Variants in CD81 observed in about 807,000 individuals in gnomAD.
CD81 encodes the protein CD81 antigen.
Under a neutral mutation model 30.1 loss-of-function variants are expected in CD81, and 10 were observed. That is an observed-to-expected ratio of 0.33 (90% CI 0.21 to 0.56). CD81 has a LOEUF of 0.56. Ranked by LOEUF, CD81 falls within the 20% of genes least tolerant of loss-of-function variation. The pLI is 0.89. For synonymous variants in CD81, 147 were observed against 126.4 expected, an observed-to-expected ratio of 1.16 and a Z score of -1.10; for missense variants, 263 against 308.7, an observed-to-expected ratio of 0.85 and a Z score of 1.11.
chr11:2,390,545 G>C lies in CD81; in HGVS notation c.181+19G>C. 6.4e-7 allele frequency: 1 copy of C among 1,551,702 alleles called. No homozygotes were observed. Among genetic ancestry groups the C allele is most frequent in the Non-Finnish European group, 8.9e-7 (1 of 1,124,310 alleles). On this transcript the variant is annotated intron_variant, in intron 2 of 7. Transcript: ENST00000263645. ...TATGTAGGTGAGTGCACATGTGGCC[G>C]CAGACGCATTCAGGGAGGGCTTCTA...
At position 2,382,772 on chromosome 11, in the gene CD81, T is replaced by A. The variant is rs542440091; in HGVS notation, c.66+5157T>A. Among the ~76,000 whole-genome samples, 30 of 152,286 alleles carry A rather than the reference T, an allele frequency of 2.0e-4. 1 individual carries two copies. Among genetic ancestry groups the A allele is most frequent in the African/African-American group, 7.0e-4 (29 of 41,556 alleles). Reference sequence around the variant, plus strand: ...CAGGTAACAGTGTAGGTAAAACAGATGACAGGGCATGAGACTCACCCCAGG... The same window carrying A: ...CAGGTAACAGTGTAGGTAAAACAGAAGACAGGGCATGAGACTCACCCCAGG... On this transcript the variant is annotated intron_variant, in intron 1 of 7. Transcript: ENST00000263645.
intron 1 of CD81, among the ~76,000 whole-genome samples, chr11:2,382,291 C>T (rs1849718070): frequency 6.6e-6 from 1 of 152,232 alleles, no homozygotes; most frequent in African/African-American, 2.4e-5. Flanking sequence ...GGACCAGGGG[C>T]ACAGAGCTTG....
chr11:2,385,817 A>G (rs1477523011), intron 1 of CD81: 1 of 637,922 alleles, frequency 1.6e-6, no homozygotes, highest in Non-Finnish European at 2.9e-6. Context: ...GTCAGTGGGC[A>G]TATGGGTTGT....
At chr11:2,381,701 C>T (rs1849708167) in intron 1 of CD81, among the ~76,000 whole-genome samples, 1 of 152,182 alleles carries the variant, frequency 6.6e-6, no homozygotes, top group African/African-American at 2.4e-5. Flanking sequence ...GAGCCAGGTG[C>T]CCTGCCCCTT....
intron 5 of CD81, 138 bp downstream of exon 5, chr11:2,395,658 A>T (rs1849986289): frequency 6.3e-6 from 5 of 788,676 alleles, no homozygotes; most frequent in South Asian, 5.9e-5. Flanking sequence ...CCCTGGTCTC[A>T]ACTGGTCCTC....
intron 3 of CD81, among the ~76,000 whole-genome samples, chr11:2,394,503 G>A (rs896294042): frequency 6.6e-6 from 1 of 152,242 alleles, no homozygotes; most frequent in Admixed American, 6.5e-5. Context: ...CCCAGGCCTG[G>A]CTGTGCCATC....
chr11:2,396,024 T>C, intron 6 of CD81, 54 bp downstream of exon 6: 9 of 1,167,200 alleles, frequency 7.7e-6, no homozygotes, highest in African/African-American at 1.5e-5. Context: ...CGCCCCTGGG[T>C]GGGGTCCTAG....
In CD81 at chr11:2,396,654, C is replaced by A. The variant is rs148404749; in HGVS notation, c.588C>A (p.Asp196Glu). The change falls in exon 7 of 8, where the codon GAC (aspartate) becomes GAA (glutamate). Residue 196 changes from aspartate (D) to glutamate (E), a missense_variant. This residue lies in a region of CD81 where 176 missense variants were observed against 192.9 expected (regional missense o/e 0.91). Coordinates refer to ENST00000263645, the MANE Select transcript of CD81 (RefSeq NM_004356.4). The part of the protein sequence containing the change: ...FKEDCHQKID[D>E]LFSGKLYLIG... ...AGGACTGCCACCAGAAGATCGATGA[C>A]CTCTTCTCCGGGAAGCTGTACCTCA... 1.2e-5 allele frequency: 20 copies of A among 1,611,760 alleles called. No individual in the cohort carries two copies. The African/African-American group carries it at 2.5e-4, about 20-fold the overall frequency.
intron 1 of CD81, among the ~76,000 whole-genome samples, chr11:2,380,828 C>G (rs1015563179): frequency 6.6e-6 from 1 of 152,214 alleles, no homozygotes; most frequent in African/African-American, 2.4e-5. Flanking sequence ...AGAGGTGTCA[C>G]CAGTCCCCGC....
chr11:2,387,023 G>A (rs1849810475), intron 1 of CD81, among the ~76,000 whole-genome samples: 2 of 152,252 alleles, frequency 1.3e-5, no homozygotes, highest in South Asian at 4.1e-4. Context: ...CCCACCATTA[G>A]CAGGTTTGGG....
rs375953854 is a variant in CD81 at position 2,396,681 on chromosome 11, C to T, written c.615C>T (p.Ile205=). The part of the protein sequence containing the change: ...DDLFSGKLYL[I]GIAAIVVAVI... The stretch of plus-strand genomic sequence containing the variant: ...TCTTCTCCGGGAAGCTGTACCTCAT[C>T]GGCATTGCTGCCATCGTGGTCGCTG... Residue 205 remains isoleucine, a synonymous_variant, in exon 7 of 8, where the codon ATC becomes ATT. Transcript: ENST00000263645. 6.1e-5 allele frequency: 99 copies of T among 1,611,880 alleles called. No individual in the cohort carries two copies. In the East Asian group the frequency reaches 9.1e-4, roughly 15 times the overall value.
chr11:2,395,755 T>C (rs1431596513), intron 5 of CD81, 114 bp from the exon 6 acceptor site: 6 of 810,266 alleles, frequency 7.4e-6, no homozygotes, highest in Non-Finnish European at 1.3e-5. Context: ...GGCCCCTGGA[T>C]GCATTCTGCA....
Position 2,378,202 on chromosome 11 carries a change from G to A in CD81, c.66+587G>A, listed in dbSNP as rs923761347. On this transcript the variant is annotated intron_variant, in intron 1 of 7. Coordinates refer to ENST00000263645, the MANE Select transcript of CD81 (RefSeq NM_004356.4). The surrounding 1 kb of genome is among the most constrained non-coding windows in gnomAD (Gnocchi z 4.9). The stretch of plus-strand genomic sequence containing the variant: ...CACCCGAGACCTTCCTGGGGGTCGC[G>A]CCTAAAAGGAGCGCAGACTCCCGCC... Among the ~76,000 whole-genome samples, 9 of 151,982 alleles carry A rather than the reference G, an allele frequency of 5.9e-5. No homozygotes were observed. Among genetic ancestry groups the A allele is most frequent in the East Asian group, 5.9e-4 (3 of 5,116 alleles).
intron 2 of CD81, chr11:2,392,340 A>T (rs1215748207): frequency 6.6e-6 from 1 of 151,710 alleles, no homozygotes; most frequent in Non-Finnish European, 1.5e-5. Flanking sequence ...CCTGCGCCCC[A>T]CTCTCGGCAG....
At position 2,386,715 on chromosome 11, in the gene CD81, G is replaced by T. The variant is rs1220255722; in HGVS notation, c.67-3697G>T. The T allele has an allele frequency of 5.7e-6, 4 of 695,840 alleles. No individual in the cohort carries two copies. In the East Asian group the frequency reaches 8.2e-5, roughly 14 times the overall value. 43.1% of individuals were successfully genotyped at this position (695,840 alleles called of 1,614,324 possible). A position where few individuals can be genotyped will look rare whatever the true frequency, so the allele number is the denominator to read the frequency against. On this transcript the variant is annotated intron_variant, in intron 1 of 7. Coordinates refer to ENST00000263645, the MANE Select transcript of CD81 (RefSeq NM_004356.4). ...CCAGGGTGGCTCCCGACTACTTCTGGTAGCCTCGGGGACAGTTGAGGTGGA... is the reference window on the plus strand; with the variant it reads ...CCAGGGTGGCTCCCGACTACTTCTGTTAGCCTCGGGGACAGTTGAGGTGGA...
rs1293918038 is a variant in CD81, at chr11:2,377,355, C to G, written c.-195C>G. On this transcript the variant is annotated 5_prime_UTR_variant, in exon 1 of 8. Coordinates refer to ENST00000263645, the MANE Select transcript of CD81 (RefSeq NM_004356.4). The surrounding 1 kb of genome is among the most constrained non-coding windows in gnomAD (Gnocchi z 7.7). The stretch of plus-strand genomic sequence containing the variant: ...ACGGCGGCGACGGCGGCGACCCCAC[C>G]GCGCATCCTGCCAGGCCTCCGGCGC... The G allele has an allele frequency of 6.7e-6, 1 of 150,268 alleles. No homozygotes were observed. Among genetic ancestry groups the G allele is most frequent in the African/African-American group, 2.4e-5 (1 of 41,038 alleles). 9.3% of individuals were successfully genotyped at this position (150,268 alleles called of 1,614,324 possible). A position where few individuals can be genotyped will look rare whatever the true frequency, so the allele number is the denominator to read the frequency against.
intron 1 of CD81, among the ~76,000 whole-genome samples, chr11:2,388,131 C>CAACCTCCTGAGCTCAAGCG (rs1849829103): frequency 2.0e-5 from 3 of 152,328 alleles, no homozygotes; most frequent in East Asian, 3.9e-4. Flanking sequence ...ACTGTAGCCT[C>CAACCTCCTGAGCTCAAGCG]AACCTCCTGA....
chr11:2,377,394 C>CG lies in CD81; in HGVS notation c.-155dup. ...GGCCTCCGGCGCCCAGCGCCCCACGCGCCCCCGCGCCCCCGCGCCCCCGCG... is the reference window on the plus strand; with the variant it reads ...GGCCTCCGGCGCCCAGCGCCCCACGCGGCCCCCGCGCCCCCGCGCCCCCGCG... On this transcript the variant is annotated 5_prime_UTR_variant, in exon 1 of 8. Coordinates refer to ENST00000263645, the MANE Select transcript of CD81 (RefSeq NM_004356.4). The surrounding 1 kb of genome is among the most constrained non-coding windows in gnomAD (Gnocchi z 7.7). 6.8e-6 allele frequency: 1 copy of CG among 147,740 alleles called. No homozygotes were observed. Among genetic ancestry groups the CG allele is most frequent in the Non-Finnish European group, 1.5e-5 (1 of 67,256 alleles). The allele number at this position is 147,740 out of a possible 1,614,324, so 9.2% of individuals were successfully genotyped here. A position where few individuals can be genotyped will look rare whatever the true frequency, so the allele number is the denominator to read the frequency against.
intron 1 of CD81, among the ~76,000 whole-genome samples, chr11:2,381,689 A>G (rs902911337): frequency 2.2e-4 from 34 of 152,240 alleles, no homozygotes; most frequent in African/African-American, 7.9e-4. Flanking sequence ...GGGGCTGGAG[A>G]GGAGCCAGGT....
Sources: gnomAD v4.1 joint callset for allele counts (sites outside exome capture counted in the v4.1 genomes callset) on GRCh38, gnomAD v4.1.1 for gene constraint, gnomAD v4.1.1 regional missense constraint, Gnocchi (gnomAD v3.1) non-coding constraint, MANE v1.5 for transcripts, NCBI Gene and HGNC (gene_info 2026-07-23, HGNC 2026-07-21) for gene names.